Variants in GRM5 observed in about 807,000 individuals in gnomAD.
GRM5 encodes the protein glutamate metabotropic receptor 5.
A neutral mutation model predicts 83.1 loss-of-function variants in GRM5; 19 were observed. That is an observed-to-expected ratio of 0.23 (90% CI 0.16 to 0.34). GRM5 has a LOEUF of 0.34. Among genes scored for constraint, GRM5 ranks in the 10% least tolerant of loss-of-function variants. The probability of loss-of-function intolerance (pLI) is 1.00; values close to 1 mark genes in which losing one functional copy is unlikely to be tolerated. For missense variants in GRM5, 1,160 were observed against 1,588.3 expected (o/e 0.73, Z 4.58); for synonymous variants, 675 against 633.6 (o/e 1.07, Z -0.98).
chr11:89,051,395 T>C (rs979469942), intron 1 of GRM5, among the ~76,000 whole-genome samples: 2 of 152,018 alleles, frequency 1.3e-5, no homozygotes, highest in African/African-American at 4.8e-5. Flanking sequence ...CCATGCAGGA[T>C]GTTGCAGGCT....
intron 3 of GRM5, among the ~76,000 whole-genome samples, chr11:88,733,830 G>C (rs1173756005): frequency 1.3e-5 from 2 of 151,972 alleles, no homozygotes; most frequent in Admixed American, 1.3e-4. Flanking sequence ...TTTAGAGAAA[G>C]GCAGTTGGCA....
At chr11:88,918,636 T>C (rs1945636085) in intron 2 of GRM5, among the ~76,000 whole-genome samples, 1 of 151,978 alleles carries the variant, frequency 6.6e-6, no homozygotes, top group Non-Finnish European at 1.5e-5. Context: ...ACTCATATCT[T>C]GAGTAGGAAG....
rs554369675 is a variant in GRM5 at position 88,955,017 on chromosome 11, T to C, written c.661+92195A>G. Among the ~76,000 whole-genome samples the C allele has an allele frequency of 2.6e-5, 4 of 152,348 alleles. No homozygotes were observed. In the South Asian group the frequency reaches 6.2e-4, roughly 24 times the overall value. On this transcript the variant is annotated intron_variant, in intron 2 of 9. Transcript: ENST00000305447. ...TTTACTAAGTTCCTGAAAAATGATA[T>C]GGACAATTTCTATAATGATTTATGG...
At chr11:88,894,471 T>C (rs955937081) in intron 2 of GRM5, among the ~76,000 whole-genome samples, 6 of 152,146 alleles carry the variant, frequency 3.9e-5, no homozygotes, top group African/African-American at 1.4e-4. Flanking sequence ...ACAGACAATG[T>C]AGCTGCTTCA....
chr11:88,739,245 A>T (rs1941980542), intron 3 of GRM5, among the ~76,000 whole-genome samples: 1 of 152,066 alleles, frequency 6.6e-6, no homozygotes, highest in Non-Finnish European at 1.5e-5. Flanking sequence ...ATTCTTATGC[A>T]TTCTTCACTC....
chr11:88,821,113 C>T (rs12279582), intron 3 of GRM5, among the ~76,000 whole-genome samples: 1 of 152,006 alleles, frequency 6.6e-6, no homozygotes, highest in Non-Finnish European at 1.5e-5. Context: ...CGAAAGGGCT[C>T]TACATCAGTG....
chr11:88,700,417 T>A (rs751942166), intron 3 of GRM5, among the ~76,000 whole-genome samples: 1 of 152,156 alleles, frequency 6.6e-6, no homozygotes, highest in African/African-American at 2.4e-5. Context: ...AGAATTGATA[T>A]AGTTACTGCC....
At chr11:88,666,458 G>A (rs139623795) in intron 3 of GRM5, among the ~76,000 whole-genome samples, 128 of 152,198 alleles carry the variant, frequency 8.4e-4, no homozygotes, top group Middle Eastern at 3.4e-3. Flanking sequence ...AGAATCAATC[G>A]AGTCTCTCAA....
At chr11:88,811,273 T>G (rs1350858153) in intron 3 of GRM5, among the ~76,000 whole-genome samples, 2 of 151,946 alleles carry the variant, frequency 1.3e-5, no homozygotes, top group African/African-American at 4.8e-5. Flanking sequence ...CTGAACACAT[T>G]TTGATAGACT....
In GRM5 at chr11:88,699,937, G is replaced by T. The variant is rs528428018; in HGVS notation, c.912-46534C>A. On this transcript the variant is annotated intron_variant, in intron 3 of 9. Transcript: ENST00000305447. Reference sequence around the variant, plus strand: ...TATGTTTATAGCAAAAGAGATTTGAGGATGACACTGTGCAGTTGGAGGCAT... The same window carrying T: ...TATGTTTATAGCAAAAGAGATTTGATGATGACACTGTGCAGTTGGAGGCAT... 3.3e-5 allele frequency among the ~76,000 whole-genome samples: 5 copies of T among 152,242 alleles called. No homozygotes were observed. In the East Asian group the frequency reaches 7.7e-4, roughly 24 times the overall value.
chr11:88,858,887 A>G (rs1944517227), intron 2 of GRM5, among the ~76,000 whole-genome samples: 2 of 152,194 alleles, frequency 1.3e-5, no homozygotes, highest in Admixed American at 6.6e-5. Context: ...GGGAGTCCTC[A>G]GTATATGGAT....
At chr11:88,597,971 T>G (rs1201305165) in intron 5 of GRM5, among the ~76,000 whole-genome samples, 1 of 152,080 alleles carries the variant, frequency 6.6e-6, no homozygotes, top group Non-Finnish European at 1.5e-5. Flanking sequence ...CTAGCTATTG[T>G]TTTTTGAGTA....
chr11:88,763,925 T>C (rs1942578089), intron 3 of GRM5, among the ~76,000 whole-genome samples: 1 of 151,652 alleles, frequency 6.6e-6, no homozygotes, highest in Admixed American at 6.6e-5. Context: ...AGGACAGAGA[T>C]TGGCAGAATG....
chr11:88,872,928 T>TAA (rs1258487720), intron 2 of GRM5, among the ~76,000 whole-genome samples: 1 of 108,772 alleles, frequency 9.2e-6, no homozygotes, highest in East Asian at 2.6e-4. Flanking sequence ...CTGAATGAAT[T>TAA]AAAAAAAAAA....
At chr11:88,852,101 T>C (rs564603026) in intron 2 of GRM5, among the ~76,000 whole-genome samples, 13 of 152,220 alleles carry the variant, frequency 8.5e-5, no homozygotes, top group Non-Finnish European at 1.6e-4. Flanking sequence ...GTGATGTGAA[T>C]TTATCGAGAA....
chr11:88,901,934 C>T (rs2047508), intron 2 of GRM5, among the ~76,000 whole-genome samples: 3 of 152,208 alleles, frequency 2.0e-5, no homozygotes, highest in South Asian at 2.1e-4. Flanking sequence ...CATAGTTGAG[C>T]GAGGTTTTTC....
At chr11:88,555,190 C>T (rs920332127) in intron 8 of GRM5, among the ~76,000 whole-genome samples, 2 of 152,110 alleles carry the variant, frequency 1.3e-5, no homozygotes, top group Non-Finnish European at 2.9e-5. Context: ...CTGGTGTGAG[C>T]TTAGAATATG....
intron 3 of GRM5, among the ~76,000 whole-genome samples, chr11:88,813,808 G>A (rs1565243140): frequency 6.6e-6 from 1 of 152,050 alleles, no homozygotes; most frequent in Non-Finnish European, 1.5e-5. Flanking sequence ...TTTCAGGCTT[G>A]GGTAGGAATA....
intron 3 of GRM5, among the ~76,000 whole-genome samples, chr11:88,673,125 G>A (rs1263515321): frequency 6.6e-6 from 1 of 151,908 alleles, no homozygotes; most frequent in Non-Finnish European, 1.5e-5. Flanking sequence ...TTTTATAGAT[G>A]ACTCTTATTT....
Sources: gnomAD v4.1 joint callset for allele counts (sites outside exome capture counted in the v4.1 genomes callset) on GRCh38, gnomAD v4.1.1 for gene constraint, MANE v1.5 for transcripts, NCBI Gene and HGNC (gene_info 2026-07-23, HGNC 2026-07-21) for gene names.